The following SLF2 variants were observed in gnomAD, a reference collection of about 807,000 sequenced individuals.
SLF2 encodes SMC5-SMC6 complex localization factor protein 2.
A neutral mutation model predicts 124.3 loss-of-function variants in SLF2; 68 were observed. The ratio of observed to expected loss-of-function variants is 0.55; its 90% CI spans 0.45 to 0.67. The LOEUF (loss-of-function observed/expected upper bound fraction) is 0.67. Ranked by LOEUF, SLF2 falls within the 30% of genes least tolerant of loss-of-function variation. The pLI, the probability that SLF2 is intolerant of heterozygous loss-of-function variation, is 0.00. For synonymous variants in SLF2, 480 were observed against 478.8 expected, an observed-to-expected ratio of 1.00 and a Z score of -0.03; for missense variants, 1,246 against 1,373.7, an observed-to-expected ratio of 0.91 and a Z score of 1.47.
intron 17 of SLF2, among the ~76,000 whole-genome samples, chr10:100,955,119 T>C (rs1188693608): frequency 2.0e-5 from 3 of 152,030 alleles, no homozygotes; most frequent in Non-Finnish European, 4.4e-5. Flanking sequence ...TTTTTGTATT[T>C]TTAGTAGAGA....
At chr10:100,918,855 C>T (rs1849472306) in intron 4 of SLF2, among the ~76,000 whole-genome samples, 1 of 151,936 alleles carries the variant, frequency 6.6e-6, no homozygotes, top group Admixed American at 6.6e-5. Flanking sequence ...AACTCCTGAG[C>T]TCATGAGCCA....
intron 7 of SLF2, among the ~76,000 whole-genome samples, 154 bp downstream of exon 7, chr10:100,929,593 A>G (rs1296933145): frequency 6.6e-6 from 1 of 152,212 alleles, no homozygotes; most frequent in Non-Finnish European, 1.5e-5. Flanking sequence ...TGTTAGGGCC[A>G]GGTTTCATCT....
At chr10:100,922,443 C>T (rs758709191) in intron 4 of SLF2, among the ~76,000 whole-genome samples, 5 of 152,094 alleles carry the variant, frequency 3.3e-5, no homozygotes, top group African/African-American at 7.2e-5. Context: ...CCTGAGCTCA[C>T]GAACTCCCAC....
intron 1 of SLF2, among the ~76,000 whole-genome samples, chr10:100,915,545 TTGAG>T (rs1278798806): frequency 4.6e-5 from 7 of 152,212 alleles, no homozygotes; most frequent in Non-Finnish European, 7.4e-5. Flanking sequence ...CATACATCTA[TTGAG>T]TTTTTTTTTA....
chr10:100,916,052 C>T lies in SLF2; in HGVS notation c.184+10C>T, dbSNP rs1042101842. 3 of 1,605,150 alleles carry T rather than the reference C, an allele frequency of 1.9e-6. No homozygotes were observed. In the African/African-American group the frequency reaches 4.0e-5, roughly 21 times the overall value. On this transcript the variant is annotated intron_variant, in intron 2 of 19. Transcript: ENST00000238961. ...CCAGCTTCAAAACAAGGTATGTACA[C>T]TGTTGATGCATTTTTTGTGGGCTAT...
chr10:100,960,720 C>A (rs72838667), intron 19 of SLF2, among the ~76,000 whole-genome samples: 4,426 of 151,970 alleles, frequency 0.029, 105 homozygotes, highest in Non-Finnish European at 0.044. Context: ...TATTTTCTTC[C>A]ATTCTGTGTG....
At chr10:100,933,663 AATTT>A (rs988354486) in intron 9 of SLF2, among the ~76,000 whole-genome samples, 15 of 151,940 alleles carry the variant, frequency 9.9e-5, no homozygotes, top group Non-Finnish European at 2.2e-4. Flanking sequence ...AGGAGATTAA[AATTT>A]ATTTATTTAT....
chr10:100,958,525 G>A (rs1012924475), intron 18 of SLF2, among the ~76,000 whole-genome samples: 8 of 152,152 alleles, frequency 5.3e-5, no homozygotes, highest in African/African-American at 1.7e-4. Context: ...TAAAGACAAG[G>A]GCTTGGCACA....
intron 17 of SLF2, among the ~76,000 whole-genome samples, chr10:100,951,192 G>A (rs1300484882): frequency 3.9e-5 from 6 of 152,288 alleles, no homozygotes; most frequent in South Asian, 4.1e-4. Flanking sequence ...GCAGTGAGCC[G>A]AGATTGCGCC....
chr10:100,937,794 G>C (rs1849895079), intron 10 of SLF2, among the ~76,000 whole-genome samples: 1 of 152,054 alleles, frequency 6.6e-6, no homozygotes, highest in Non-Finnish European at 1.5e-5. Flanking sequence ...TATTTTAGTA[G>C]AGACAGGGTT....
chr10:100,931,603 A>G (rs983507601), intron 9 of SLF2, among the ~76,000 whole-genome samples: 11 of 152,188 alleles, frequency 7.2e-5, no homozygotes, highest in Non-Finnish European at 1.5e-4. Flanking sequence ...AACTTTTTAA[A>G]TATCAGTGGT....
rs1474876094 is a variant in SLF2, at chr10:100,924,880, A to G, written c.1879A>G (p.Ile627Val). 6.2e-7 allele frequency: 1 copy of G among 1,614,208 alleles called. No individual in the cohort carries two copies. The highest frequency in any genetic ancestry group is 1.1e-5 in the South Asian group (1 of 91,080). The change falls in exon 5 of 20, where the codon ATA (isoleucine) becomes GTA (valine). Residue 627 changes from isoleucine to valine, a missense_variant. Coordinates refer to ENST00000238961, the MANE Select transcript of SLF2 (RefSeq NM_018121.4). ...GGAAACATTAAAGTCACTGGAAGAA[A>G]TAATGGCTTTGAACTTCAATCAGAC... ...EEETLKSLEE[I>V]MALNFNQTPA... is the part of the protein sequence containing the mutation.
chr10:100,942,523 GAAGAC>G (rs1192644048), intron 11 of SLF2, among the ~76,000 whole-genome samples: 4 of 151,962 alleles, frequency 2.6e-5, no homozygotes, highest in African/African-American at 7.3e-5. Flanking sequence ...CCTTAATAGA[GAAGAC>G]AAGAGTTTTG....
At chr10:100,936,990 A>G (rs1849876427) in intron 9 of SLF2, among the ~76,000 whole-genome samples, 1 of 152,184 alleles carries the variant, frequency 6.6e-6, no homozygotes, top group Non-Finnish European at 1.5e-5. Flanking sequence ...CTATTTGCTC[A>G]TATGTGTAAT....
At chr10:100,955,008 C>T (rs1375896467) in intron 17 of SLF2, among the ~76,000 whole-genome samples, 4 of 149,684 alleles carry the variant, frequency 2.7e-5, no homozygotes, top group Non-Finnish European at 5.9e-5. Flanking sequence ...GGCACAGTCT[C>T]GGCTCACTGA....
chr10:100,959,032 T>G (rs563727102), intron 18 of SLF2, among the ~76,000 whole-genome samples: 4 of 152,102 alleles, frequency 2.6e-5, no homozygotes, highest in Non-Finnish European at 4.4e-5. Flanking sequence ...AAAGGGAAGC[T>G]GGGAAGGGAA....
intron 13 of SLF2, 90 bp downstream of exon 13, chr10:100,945,596 T>C: frequency 2.0e-6 from 2 of 996,816 alleles, no homozygotes; most frequent in Non-Finnish European, 1.4e-6. Flanking sequence ...GTTTCTAAAC[T>C]CAAGATCTTT....
chr10:100,924,560 A>G lies in SLF2; in HGVS notation c.1559A>G (p.Lys520Arg). 6.2e-7 allele frequency: 1 copy of G among 1,614,170 alleles called. No homozygotes were observed. The highest frequency in any genetic ancestry group is 8.5e-7 in the Non-Finnish European group (1 of 1,180,038). The change falls in exon 5 of 20, where the codon AAA becomes AGA. Residue 520 changes from lysine (K) to arginine (R), a missense_variant. Lys to Arg is a conservative substitution (Grantham distance 26). Around this residue, in one of 3 missense-constraint regions of SLF2, gnomAD observed 698 missense variants for 708.9 expected, o/e 0.98. Transcript: ENST00000238961. ...TCTGGGCATTCTACAGAATCCACCAAACACAAGGAACACAAAGCAAAGACT... is the reference window on the plus strand; with the variant it reads ...TCTGGGCATTCTACAGAATCCACCAGACACAAGGAACACAAAGCAAAGACT... ...ECSGHSTESTKHKEHKAKTNK... is the reference protein window; with the variant it reads ...ECSGHSTESTRHKEHKAKTNK...
In SLF2 at chr10:100,955,085, A is replaced by G. The variant is rs552000913; in HGVS notation, c.3331-1366A>G. On this transcript the variant is annotated intron_variant, in intron 17 of 19. Transcript: ENST00000238961. ...CTCCCGAGTAGCTGGGACTACAGGTACCCGCCACCACGCCCGGCTAATTTT... is the reference window on the plus strand; with the variant it reads ...CTCCCGAGTAGCTGGGACTACAGGTGCCCGCCACCACGCCCGGCTAATTTT... Among the ~76,000 whole-genome samples the G allele has an allele frequency of 3.0e-3, 447 of 149,978 alleles. 3 individuals carry two copies. Among genetic ancestry groups the G allele is most frequent in the African/African-American group, 0.01 (425 of 40,924 alleles).
Sources: gnomAD v4.1 joint callset for allele counts (sites outside exome capture counted in the v4.1 genomes callset) on GRCh38, gnomAD v4.1.1 for gene constraint, gnomAD v4.1.1 regional missense constraint, MANE v1.5 for transcripts, NCBI Gene and HGNC (gene_info 2026-07-23, HGNC 2026-07-21) for gene names.